Variants in PPM1E observed in about 807,000 individuals in gnomAD.
PPM1E encodes the protein protein phosphatase, Mg2+/Mn2+ dependent 1E, also known as protein phosphatase 1E.
In PPM1E, 20 loss-of-function variants were observed where a neutral mutation model predicts 65.9. The observed-to-expected ratio is 0.30, with a 90% confidence interval of 0.21 to 0.44. The LOEUF (loss-of-function observed/expected upper bound fraction) is 0.44, where lower values mean the gene tolerates loss of function less well. Ranked by LOEUF, PPM1E falls within the 20% of genes least tolerant of loss-of-function variation. The probability of loss-of-function intolerance (pLI) is 1.00; values close to 1 mark genes in which losing one functional copy is unlikely to be tolerated. For missense variants in PPM1E, 713 were observed against 953.1 expected (o/e 0.75, Z 3.32); for synonymous variants, 352 against 374.9 (o/e 0.94, Z 0.70).
In PPM1E at chr17:58,907,472, T is replaced by C. The variant is rs999350374; in HGVS notation, c.465-48177T>C. On this transcript the variant is annotated intron_variant, in intron 1 of 6. Transcript: ENST00000308249. ...GAAGAATGTGTATTCTGCTGTTGGA[T>C]GAAGTAGTCTGTAGATGTAAATTAT... 3.3e-5 allele frequency among the ~76,000 whole-genome samples: 5 copies of C among 152,288 alleles called. No homozygotes were observed. In the East Asian group the frequency reaches 9.6e-4, roughly 29 times the overall value.
At chr17:58,835,336 C>A (rs1020489171) in intron 1 of PPM1E, among the ~76,000 whole-genome samples, 2 of 152,080 alleles carry the variant, frequency 1.3e-5, no homozygotes, top group Non-Finnish European at 2.9e-5. Context: ...CAGAGCAAGA[C>A]CCTGTCTCAA....
Position 58,881,370 on chromosome 17 carries a change from A to G in PPM1E, c.465-74279A>G, listed in dbSNP as rs574741385. On this transcript the variant is annotated intron_variant, in intron 1 of 6. Transcript: ENST00000308249. Reference sequence around the variant, plus strand: ...ATGGCAAAATCTTGTCTCTTTAAAAAATACAAAAATTGGCCGGGCGTGGTG... The same window carrying G: ...ATGGCAAAATCTTGTCTCTTTAAAAGATACAAAAATTGGCCGGGCGTGGTG... Among the ~76,000 whole-genome samples the G allele has an allele frequency of 3.9e-5, 6 of 152,242 alleles. No homozygotes were observed. In the East Asian group the frequency reaches 1.2e-3, roughly 29 times the overall value.
chr17:58,802,195 GAGT>G (rs1042741069), intron 1 of PPM1E, among the ~76,000 whole-genome samples: 4 of 152,152 alleles, frequency 2.6e-5, no homozygotes, highest in African/African-American at 9.7e-5. Flanking sequence ...CATCCATTTT[GAGT>G]AGATTTTTAT....
chr17:58,938,381 A>G (rs2052014425), intron 1 of PPM1E, among the ~76,000 whole-genome samples: 3 of 151,914 alleles, frequency 2.0e-5, no homozygotes, highest in Admixed American at 2.0e-4. Context: ...AGTTAGTCAA[A>G]TAGTAATTAA....
chr17:58,935,521 G>A (rs573779469), intron 1 of PPM1E, among the ~76,000 whole-genome samples: 5 of 152,268 alleles, frequency 3.3e-5, no homozygotes, highest in African/African-American at 1.2e-4. Flanking sequence ...TTTAGCAAAA[G>A]GAAGGTCACT....
intron 1 of PPM1E, among the ~76,000 whole-genome samples, chr17:58,930,248 TATAC>T (rs1383054688): frequency 3.5e-5 from 5 of 142,190 alleles, no homozygotes; most frequent in Admixed American, 2.1e-4. Context: ...ATTAAATGTA[TATAC>T]ACACACACAC....
At chr17:58,839,815 A>G (rs2050699761) in intron 1 of PPM1E, among the ~76,000 whole-genome samples, 1 of 152,228 alleles carries the variant, frequency 6.6e-6, no homozygotes, top group South Asian at 2.1e-4. Flanking sequence ...CGTTGAGGAT[A>G]CTAGAACAGC....
intron 1 of PPM1E, among the ~76,000 whole-genome samples, chr17:58,766,945 G>A (rs568544064): frequency 3.3e-5 from 5 of 152,056 alleles, no homozygotes; most frequent in African/African-American, 4.8e-5. Context: ...CAGCTTTTTC[G>A]GGGTCACATG....
intron 1 of PPM1E, among the ~76,000 whole-genome samples, chr17:58,937,895 AG>A (rs139805772): frequency 2.8e-4 from 34 of 122,026 alleles, no homozygotes; most frequent in Admixed American, 3.9e-4. Context: ...AAAAAAAAAA[AG>A]AAAGAAAGAA....
At chr17:58,829,322 G>A (rs1489113601) in intron 1 of PPM1E, among the ~76,000 whole-genome samples, 6 of 151,986 alleles carry the variant, frequency 3.9e-5, no homozygotes, top group African/African-American at 9.7e-5. Flanking sequence ...GATTACAGGC[G>A]TGAGCCACCG....
At chr17:58,824,815 A>C (rs945419728) in intron 1 of PPM1E, among the ~76,000 whole-genome samples, 2 of 148,072 alleles carry the variant, frequency 1.4e-5, no homozygotes, top group African/African-American at 5.0e-5. Context: ...TCACCGTGTT[A>C]GCCAGGATGG....
At chr17:58,972,791 G>A in intron 5 of PPM1E, 41 bp from the exon 6 acceptor site, 3 of 1,500,378 alleles carry the variant, frequency 2.0e-6, no homozygotes, top group African/African-American at 2.7e-5. Flanking sequence ...AATAAATCCT[G>A]AATCCAGTTA....
intron 6 of PPM1E, among the ~76,000 whole-genome samples, chr17:58,974,047 G>A (rs1302470401): frequency 6.6e-6 from 1 of 151,506 alleles, no homozygotes; most frequent in Non-Finnish European, 1.5e-5. Context: ...AGGATTGCTT[G>A]AGTCCAGGAG....
At chr17:58,845,960 C>T (rs749398707) in intron 1 of PPM1E, among the ~76,000 whole-genome samples, 1 of 152,208 alleles carries the variant, frequency 6.6e-6, no homozygotes, top group Non-Finnish European at 1.5e-5. Context: ...GTATTATACG[C>T]ATGAGCCACC....
intron 1 of PPM1E, among the ~76,000 whole-genome samples, chr17:58,805,990 C>CAAAAAAAAAAAAAAAAAA (rs1168126201): frequency 2.8e-5 from 2 of 71,372 alleles, no homozygotes; most frequent in Admixed American, 1.4e-4. Context: ...AAAAACAAAA[C>CAAAAAAAAAAAAAAAAAA]AAAACAAAAC....
chr17:58,822,263 A>G (rs1019939837), intron 1 of PPM1E, among the ~76,000 whole-genome samples: 15 of 152,240 alleles, frequency 9.9e-5, no homozygotes, highest in Non-Finnish European at 7.3e-5. Context: ...AGCAAGCATT[A>G]TAAAATATGA....
In PPM1E at chr17:58,792,743, C is replaced by CTTTTTTTTTTTTTTT. The variant is rs780992600; in HGVS notation, c.464+36297_464+36311dup. On this transcript the variant is annotated intron_variant, in intron 1 of 6. Transcript: ENST00000308249. ...TATTTTATTTTATAAGAATTTTACT[C>CTTTTTTTTTTTTTTT]TTTTTTTTTTTTTTTTTTTTTTTTT... Among the ~76,000 whole-genome samples the CTTTTTTTTTTTTTTT allele has an allele frequency of 7.9e-5, 6 of 76,380 alleles. 2 individuals carry two copies. The highest frequency in any genetic ancestry group is 4.7e-4 in the East Asian group (1 of 2,134). 50.1% of individuals were successfully genotyped at this position (76,380 alleles called of 152,430 possible). A position where few individuals can be genotyped will look rare whatever the true frequency, so the allele number is the denominator to read the frequency against.
Position 58,981,982 on chromosome 17 carries a change from T to C in PPM1E, c.*951T>C, listed in dbSNP as rs1221220235. On this transcript the variant is annotated 3_prime_UTR_variant, in exon 7 of 7. Transcript: ENST00000308249. ...TTCAGACAGCAAAGGCATGTACTACTATAAAATACAAAGTGATTTTAGAGA... is the reference window on the plus strand; with the variant it reads ...TTCAGACAGCAAAGGCATGTACTACCATAAAATACAAAGTGATTTTAGAGA... 6.6e-6 allele frequency: 1 copy of C among 152,668 alleles called. No homozygotes were observed. The highest frequency in any genetic ancestry group is 2.4e-5 in the African/African-American group (1 of 41,468). 9.5% of individuals were successfully genotyped at this position (152,668 alleles called of 1,614,324 possible).
At chr17:58,898,315 A>T (rs376287336) in intron 1 of PPM1E, among the ~76,000 whole-genome samples, 4 of 152,158 alleles carry the variant, frequency 2.6e-5, no homozygotes, top group African/African-American at 4.8e-5. Flanking sequence ...TTTACAAGAA[A>T]AAATCAAACA....
Sources: gnomAD v4.1 joint callset for allele counts (sites outside exome capture counted in the v4.1 genomes callset) on GRCh38, gnomAD v4.1.1 for gene constraint, MANE v1.5 for transcripts, NCBI Gene and HGNC (gene_info 2026-07-23, HGNC 2026-07-21) for gene names.